MAML2: variants seen among roughly 807,000 people sequenced by gnomAD.
The protein encoded by MAML2 is mastermind-like protein 2.
MAML2 carries 22 observed loss-of-function variants against 96.1 expected under a neutral mutation model. The observed-to-expected ratio is 0.23, with a 90% CI of 0.16 to 0.33. MAML2 has a LOEUF of 0.33. Among genes scored for constraint, MAML2 ranks in the 10% least tolerant of loss-of-function variants. The probability of loss-of-function intolerance (pLI) is 1.00; values close to 1 mark genes in which losing one functional copy is unlikely to be tolerated. For synonymous variants in MAML2, 561 were observed against 521.3 expected (o/e 1.08, Z -1.04); for missense variants, 1,367 against 1,392.4 (o/e 0.98, Z 0.29).
intron 2 of MAML2, among the ~76,000 whole-genome samples, chr11:96,026,563 G>C (rs1858521423): frequency 6.6e-6 from 1 of 152,112 alleles, no homozygotes; most frequent in Non-Finnish European, 1.5e-5. Context: ...TACAAGCAAG[G>C]GAGAGGGCTG....
intron 1 of MAML2, among the ~76,000 whole-genome samples, chr11:96,136,575 G>A (rs531516161): frequency 3.9e-4 from 60 of 152,058 alleles, no homozygotes; most frequent in African/African-American, 1.4e-3. Context: ...TCCAAAGTTG[G>A]GGAAAACAGA....
intron 1 of MAML2, among the ~76,000 whole-genome samples, chr11:96,137,328 T>C (rs1489146268): frequency 2.0e-5 from 3 of 152,348 alleles, no homozygotes; most frequent in East Asian, 1.9e-4. Context: ...TTTTGGCCTT[T>C]GTTTAAAATA....
Position 96,007,137 on chromosome 11 carries a change from G to A in MAML2, c.2140-15414C>T, listed in dbSNP as rs144679927. On this transcript the variant is annotated intron_variant, in intron 2 of 4. Transcript: ENST00000524717. ...CCTGCCTCAGCCTCCAGAGTAGCTGGGAATACAGGAGCGTACCACCATGTC... is the reference window on the plus strand; with the variant it reads ...CCTGCCTCAGCCTCCAGAGTAGCTGAGAATACAGGAGCGTACCACCATGTC... Among the ~76,000 whole-genome samples, 1,224 of 151,696 alleles carry A rather than the reference G, an allele frequency of 8.1e-3. 23 individuals are homozygous for A. Among genetic ancestry groups the A allele is most frequent in the African/African-American group, 0.028 (1,153 of 41,336 alleles).
At chr11:96,189,071 T>C (rs1361421993) in intron 1 of MAML2, among the ~76,000 whole-genome samples, 1 of 151,100 alleles carries the variant, frequency 6.6e-6, no homozygotes, top group Non-Finnish European at 1.5e-5. Flanking sequence ...ACTGTTTTGT[T>C]TTTTTTTTTC....
At chr11:96,285,512 G>T (rs1417928840) in intron 1 of MAML2, among the ~76,000 whole-genome samples, 1 of 152,100 alleles carries the variant, frequency 6.6e-6, no homozygotes, top group African/African-American at 2.4e-5. Context: ...TGCAGCAAAA[G>T]AAACTATCAT....
intron 1 of MAML2, among the ~76,000 whole-genome samples, chr11:96,319,882 T>C (rs529297112): frequency 1.3e-3 from 194 of 152,314 alleles, no homozygotes; most frequent in African/African-American, 4.5e-3. Context: ...AGCACTAGGA[T>C]GCCAATGAGC....
In MAML2 at chr11:96,060,906, G is replaced by A. The variant is rs542975122; in HGVS notation, c.2139+30986C>T. Among the ~76,000 whole-genome samples the A allele has an allele frequency of 2.0e-5, 3 of 152,216 alleles. No homozygotes were observed. In the East Asian group the frequency reaches 5.8e-4, roughly 29 times the overall value. ...AAAAACATAACTTGTTTTTCATGAGGCCAGTCTAAAGAAGCATTCTTCCAT... is the reference window on the plus strand; with the variant it reads ...AAAAACATAACTTGTTTTTCATGAGACCAGTCTAAAGAAGCATTCTTCCAT... On this transcript the variant is annotated intron_variant, in intron 2 of 4. Coordinates refer to ENST00000524717, the MANE Select transcript of MAML2 (RefSeq NM_032427.4).
chr11:96,278,866 G>A (rs867960676), intron 1 of MAML2, among the ~76,000 whole-genome samples: 1 of 152,168 alleles, frequency 6.6e-6, no homozygotes, highest in Non-Finnish European at 1.5e-5. Flanking sequence ...CCTAGAGGTA[G>A]GATAACTGCG....
At chr11:96,303,130 G>T (rs1863412746) in intron 1 of MAML2, among the ~76,000 whole-genome samples, 1 of 152,140 alleles carries the variant, frequency 6.6e-6, no homozygotes, top group South Asian at 2.1e-4. Flanking sequence ...TAAGCCTTCA[G>T]TCAACATTGA....
chr11:96,135,545 C>T (rs77177463), intron 1 of MAML2, among the ~76,000 whole-genome samples: 34 of 139,510 alleles, frequency 2.4e-4, no homozygotes, highest in East Asian at 8.5e-4. Flanking sequence ...CAATCCAAGG[C>T]TTTTTTTTTT....
At chr11:96,208,862 A>C (rs150856400) in intron 1 of MAML2, among the ~76,000 whole-genome samples, 1 of 152,242 alleles carries the variant, frequency 6.6e-6, no homozygotes, top group Admixed American at 6.5e-5. Flanking sequence ...TGAAATAGAC[A>C]GCATAAATAA....
chr11:96,060,487 G>A lies in MAML2; in HGVS notation c.2139+31405C>T, dbSNP rs150457803. ...AGAAAAGATCACTATTTATGTTATCGCCCAGTACAAAATCACCCACATATC... is the reference window on the plus strand; with the variant it reads ...AGAAAAGATCACTATTTATGTTATCACCCAGTACAAAATCACCCACATATC... On this transcript the variant is annotated intron_variant, in intron 2 of 4. Coordinates refer to ENST00000524717, the MANE Select transcript of MAML2 (RefSeq NM_032427.4). Among the ~76,000 whole-genome samples, 627 of 150,562 alleles carry A rather than the reference G, an allele frequency of 4.2e-3. 4 individuals carry two copies. The highest frequency in any genetic ancestry group is 0.015 in the African/African-American group (594 of 40,912).
At position 96,005,525 on chromosome 11, in the gene MAML2, C is replaced by A. The variant is rs115851348; in HGVS notation, c.2140-13802G>T. On this transcript the variant is annotated intron_variant, in intron 2 of 4. Coordinates refer to ENST00000524717, the MANE Select transcript of MAML2 (RefSeq NM_032427.4). ...TTTTTTTCTCATTGAGTCAAAAATA[C>A]AAACTATCAACAAGAGATGCAAAGA... 4.9e-3 allele frequency among the ~76,000 whole-genome samples: 740 copies of A among 152,146 alleles called. 7 individuals carry two copies. The highest frequency in any genetic ancestry group is 0.015 in the African/African-American group (624 of 41,522).
chr11:96,240,757 A>C (rs968624625), intron 1 of MAML2, among the ~76,000 whole-genome samples: 2 of 152,010 alleles, frequency 1.3e-5, no homozygotes, highest in Non-Finnish European at 2.9e-5. Flanking sequence ...CTAAATGAAA[A>C]CTGCCAGCAG....
At chr11:96,148,560 ATTATT>A (rs1860859106) in intron 1 of MAML2, among the ~76,000 whole-genome samples, 1 of 149,922 alleles carries the variant, frequency 6.7e-6, no homozygotes, top group African/African-American at 2.5e-5. Context: ...GAAGCTGAAC[ATTATT>A]TTATTTAATG....
At chr11:96,185,845 C>A (rs572472477) in intron 1 of MAML2, among the ~76,000 whole-genome samples, 68 of 152,294 alleles carry the variant, frequency 4.5e-4, no homozygotes, top group African/African-American at 1.6e-3. Flanking sequence ...TGATAGCCTG[C>A]ATCTATTTTA....
At chr11:96,058,806 C>A (rs1361269413) in intron 2 of MAML2, among the ~76,000 whole-genome samples, 1 of 152,218 alleles carries the variant, frequency 6.6e-6, no homozygotes, top group African/African-American at 2.4e-5. Flanking sequence ...ACTGCCAAGT[C>A]CTATGCCAAG....
chr11:96,039,176 G>A (rs945665674), intron 2 of MAML2, among the ~76,000 whole-genome samples: 1 of 152,002 alleles, frequency 6.6e-6, no homozygotes, highest in Non-Finnish European at 1.5e-5. Context: ...GATCACTTGA[G>A]CCTAGGAGGT....
intron 1 of MAML2, among the ~76,000 whole-genome samples, chr11:96,270,880 C>G (rs1862907843): frequency 6.6e-6 from 1 of 152,158 alleles, no homozygotes; most frequent in African/African-American, 2.4e-5. Context: ...TCGGGAAAGG[C>G]AGACCCACCC....
Sources: gnomAD v4.1 joint callset for allele counts (sites outside exome capture counted in the v4.1 genomes callset) on GRCh38, gnomAD v4.1.1 for gene constraint, MANE v1.5 for transcripts, NCBI Gene and HGNC (gene_info 2026-07-23, HGNC 2026-07-21) for gene names.